NCOA7: variants seen among roughly 807,000 people sequenced by gnomAD.
NCOA7 encodes the protein nuclear receptor coactivator 7.
Under a neutral mutation model 104.3 loss-of-function variants are expected in NCOA7, and 45 were observed. The observed-to-expected ratio is 0.43, with a 90% CI of 0.34 to 0.55. The LOEUF (loss-of-function observed/expected upper bound fraction) is 0.55, where lower values mean the gene tolerates loss of function less well. NCOA7 is among the 20% of genes least tolerant of loss of function. The probability of loss-of-function intolerance (pLI) is 0.02; values close to 1 mark genes in which losing one functional copy is unlikely to be tolerated. For synonymous variants in NCOA7, 398 were observed against 402.3 expected (o/e 0.99, Z 0.13); for missense variants, 1,041 against 1,119.7 (o/e 0.93, Z 1.00).
chr6:125,885,106 T>C, intron 7 of NCOA7, 53 bp from the exon 8 acceptor site: 1 of 1,588,958 alleles, frequency 6.3e-7, no homozygotes. Context: ...CTGTGGTAGT[T>C]GCTGAAAGCA....
intron 2 of NCOA7, among the ~76,000 whole-genome samples, chr6:125,822,762 C>A (rs1415334494): frequency 6.6e-6 from 1 of 151,938 alleles, no homozygotes; most frequent in African/African-American, 2.4e-5. Context: ...TAGTGAAACC[C>A]CGTCTCTACT....
chr6:125,927,829 TG>T, intron 14 of NCOA7, 71 bp downstream of exon 14: 1 of 1,256,398 alleles, frequency 8.0e-7, no homozygotes. Flanking sequence ...GGATAGGCAT[TG>T]GGGCAGCTAG....
At chr6:125,852,947 T>C (rs936022294) in intron 2 of NCOA7, among the ~76,000 whole-genome samples, 4 of 152,196 alleles carry the variant, frequency 2.6e-5, no homozygotes, top group Non-Finnish European at 4.4e-5. Context: ...AAGATTGTTT[T>C]TTCTAATTCT....
chr6:125,884,631 T>G (rs1463641536), intron 7 of NCOA7, among the ~76,000 whole-genome samples: 1 of 152,218 alleles, frequency 6.6e-6, no homozygotes, highest in Non-Finnish European at 1.5e-5. Context: ...TCCTATTTAC[T>G]TTGACTTTTG....
At chr6:125,781,422 G>A (rs1417306459) in intron 1 of NCOA7, 1 of 152,144 alleles carries the variant, frequency 6.6e-6, no homozygotes, top group Non-Finnish European at 1.5e-5. Context: ...CTCAGAGATG[G>A]AGTTTAAATC....
intron 10 of NCOA7, among the ~76,000 whole-genome samples, chr6:125,913,845 T>C (rs1382114326): frequency 1.3e-5 from 2 of 151,798 alleles, no homozygotes; most frequent in Non-Finnish European, 2.9e-5. Context: ...ATCACAGAAA[T>C]CCAGTTCACA....
At chr6:125,869,762 T>C (rs781228392) in intron 3 of NCOA7, among the ~76,000 whole-genome samples, 4 of 152,094 alleles carry the variant, frequency 2.6e-5, no homozygotes, top group Non-Finnish European at 4.4e-5. Context: ...AAACCAGGGC[T>C]CAAGGCCCTG....
upstream of NCOA7, among the ~76,000 whole-genome samples, chr6:125,789,372 T>C (rs1774632565): frequency 6.6e-6 from 1 of 152,198 alleles, no homozygotes; most frequent in Admixed American, 6.5e-5. Context: ...AGTCACAATT[T>C]GTCCTTGCCA....
chr6:125,889,229 A>G lies in NCOA7; in HGVS notation c.1175A>G (p.Lys392Arg), dbSNP rs1784452109. ...TCTCCCACAGTGACTAAGCTCAGCA[A>G]GGAACCTTCCGACACTTCTTCTGCA... ...HGSPTVTKLSKEPSDTSSAFE... is the reference protein window; with the variant it reads ...HGSPTVTKLSREPSDTSSAFE... The change falls in exon 9 of 16, where the codon AAG becomes AGG. Residue 392 changes from lysine (K) to arginine (R), a missense_variant. Lys to Arg is a conservative substitution (Grantham distance 26, BLOSUM62 2). Around this residue, in one of 2 missense-constraint regions of NCOA7, gnomAD observed 914 missense variants for 942.7 expected, o/e 0.97. Transcript: ENST00000392477. 6.2e-7 allele frequency: 1 copy of G among 1,614,032 alleles called. No individual in the cohort carries two copies. Among genetic ancestry groups the G allele is most frequent in the South Asian group, 1.1e-5 (1 of 91,082 alleles).
chr6:125,865,343 G>A (rs1361439896), intron 3 of NCOA7, among the ~76,000 whole-genome samples: 1 of 137,840 alleles, frequency 7.3e-6, no homozygotes, highest in Non-Finnish European at 1.5e-5. Context: ...TTAGATTTTA[G>A]CACAGTATGA....
At chr6:125,836,480 G>C (rs1448848076) in intron 2 of NCOA7, among the ~76,000 whole-genome samples, 6 of 152,250 alleles carry the variant, frequency 3.9e-5, no homozygotes, top group African/African-American at 1.4e-4. Context: ...TCCCTGCAGA[G>C]TCTCAGTAAT....
chr6:125,810,784 C>T (rs184912185), intron 1 of NCOA7, among the ~76,000 whole-genome samples: 1 of 152,270 alleles, frequency 6.6e-6, no homozygotes, highest in African/African-American at 2.4e-5. Flanking sequence ...CTGCATCTAT[C>T]ATGTTTAGGG....
At chr6:125,927,210 T>C (rs1788108013) in intron 13 of NCOA7, among the ~76,000 whole-genome samples, 1 of 152,228 alleles carries the variant, frequency 6.6e-6, no homozygotes, top group African/African-American at 2.4e-5. Context: ...TTATTTTCTC[T>C]GGGGAAATGC....
At chr6:125,880,556 C>T (rs909853025) in intron 5 of NCOA7, among the ~76,000 whole-genome samples, 1 of 151,532 alleles carries the variant, frequency 6.6e-6, no homozygotes, top group Admixed American at 6.6e-5. Context: ...GAGGTGGAGT[C>T]TCCCTCTGTC....
rs78649301 is a variant in NCOA7 at position 125,915,419 on chromosome 6, A to G, written c.2183A>G (p.Glu728Gly). 5.6e-6 allele frequency: 9 copies of G among 1,613,806 alleles called. No homozygotes were observed. In the Admixed American group the frequency reaches 1.5e-4, roughly 27 times the overall value. ...AAAGAGCAAGGCTTTGTGGTGGTGG[A>G]GAAGGAAGAACTGAACATGATTGAC... ...DAKEQGFVVV[E>G]KEELNMIDNF... is the part of the protein sequence containing the mutation. Residue 728 changes from glutamate (E) to glycine (G), a missense_variant, in exon 11 of 16, where the codon GAG becomes GGG. This residue lies in a region of NCOA7 where 914 missense variants were observed against 942.7 expected (regional missense o/e 0.97). Transcript: ENST00000392477.
At chr6:125,924,513 C>T (rs1787856499) in intron 13 of NCOA7, among the ~76,000 whole-genome samples, 1 of 152,162 alleles carries the variant, frequency 6.6e-6, no homozygotes, top group Non-Finnish European at 1.5e-5. Flanking sequence ...GCAAATGTGT[C>T]TGAAAATGAA....
In NCOA7 at chr6:125,819,161, G is replaced by A. The variant is rs1439786371; in HGVS notation, c.50+3757G>A. The stretch of plus-strand genomic sequence containing the variant: ...TAAATAGCCAATGTTTTCTTTGTGT[G>A]CTATCTTATCATGTGGTTTCATAAT... On this transcript the variant is annotated intron_variant, in intron 2 of 15. Transcript: ENST00000392477. Among the ~76,000 whole-genome samples the A allele has an allele frequency of 2.6e-5, 4 of 151,994 alleles. No homozygotes were observed. In the East Asian group the frequency reaches 7.7e-4, roughly 29 times the overall value.
At chr6:125,840,847 ATGGTTTTTTTTGTTTGGT>A (rs1780060571) in intron 2 of NCOA7, among the ~76,000 whole-genome samples, 2 of 52,026 alleles carry the variant, frequency 3.8e-5, no homozygotes, top group Admixed American at 1.8e-4. Context: ...TTTACCTTTT[ATGGTTTTTTTTGTTTGGT>A]TGGTTTTTTT....
At position 125,877,260 on chromosome 6, in the gene NCOA7, C is replaced by T. The variant is rs1003469742; in HGVS notation, c.352-1003C>T. The stretch of plus-strand genomic sequence containing the variant: ...GTTGGACCTCTGATACTGAAGGCAG[C>T]GATGGGTTTAATTCTCCTCCTACAT... On this transcript the variant is annotated intron_variant, in intron 4 of 15. Transcript: ENST00000392477. Among the ~76,000 whole-genome samples the T allele has an allele frequency of 1.1e-4, 16 of 152,144 alleles. No individual in the cohort carries two copies. In the East Asian group the frequency reaches 2.5e-3, roughly 24 times the overall value.
Sources: allele counts gnomAD v4.1 joint callset (sites outside exome capture counted in the v4.1 genomes callset), GRCh38; gene constraint gnomAD v4.1.1; regional missense constraint gnomAD v4.1.1; transcripts MANE v1.5; gene names NCBI Gene and HGNC (gene_info 2026-07-23, HGNC 2026-07-21).